Variants in BORCS5 observed in about 807,000 individuals in gnomAD.
The protein encoded by BORCS5 is BLOC-1-related complex subunit 5.
BORCS5 carries 17 observed loss-of-function variants against 22.1 expected under a neutral mutation model. That is an observed-to-expected ratio of 0.77 (90% CI 0.53 to 1.15). The LOEUF (loss-of-function observed/expected upper bound fraction) is 1.15. Ranked by LOEUF, BORCS5 falls within the 50% of genes most tolerant of loss-of-function variation. The pLI is 0.00. For synonymous variants in BORCS5, 117 were observed against 99.8 expected (o/e 1.17, Z -1.03); for missense variants, 247 against 253.2 (o/e 0.98, Z 0.17).
At chr12:12,440,666 G>A (rs1942666376) in intron 3 of BORCS5, among the ~76,000 whole-genome samples, 1 of 151,900 alleles carries the variant, frequency 6.6e-6, no homozygotes, top group Non-Finnish European at 1.5e-5. Flanking sequence ...TGCTGCAGGG[G>A]AACAGCTTGA....
intron 2 of BORCS5, among the ~76,000 whole-genome samples, chr12:12,424,432 T>G (rs1372348414): frequency 1.3e-5 from 2 of 152,194 alleles, no homozygotes; most frequent in East Asian, 3.8e-4. Flanking sequence ...TGTTTATACA[T>G]TGTTTTCTTG....
intron 3 of BORCS5, among the ~76,000 whole-genome samples, chr12:12,439,857 G>A (rs10772566): frequency 0.4 from 60,436 of 151,978 alleles, 12,835 homozygotes; most frequent in Non-Finnish European, 0.48. Flanking sequence ...AATCATATCC[G>A]TCCGTCTATG....
At chr12:12,402,784 T>C (rs191320460) in intron 2 of BORCS5, among the ~76,000 whole-genome samples, 49 of 152,354 alleles carry the variant, frequency 3.2e-4, no homozygotes, top group Admixed American at 1.3e-3. Context: ...TGAACTTTAT[T>C]TCTCTATTAG....
intron 2 of BORCS5, among the ~76,000 whole-genome samples, chr12:12,426,301 C>A (rs1390882155): frequency 1.3e-5 from 2 of 152,206 alleles, no homozygotes; most frequent in Non-Finnish European, 2.9e-5. Flanking sequence ...AACTTCTAGG[C>A]TTAAGCAGTC....
At chr12:12,367,053 A>C (rs1221403841) in intron 2 of BORCS5, among the ~76,000 whole-genome samples, 2 of 152,220 alleles carry the variant, frequency 1.3e-5, no homozygotes, top group Non-Finnish European at 2.9e-5. Context: ...CATGTGAAGT[A>C]GATTTTGATA....
chr12:12,419,265 G>C (rs1196184336), intron 2 of BORCS5, among the ~76,000 whole-genome samples: 1 of 152,112 alleles, frequency 6.6e-6, no homozygotes, highest in Non-Finnish European at 1.5e-5. Flanking sequence ...TCATTGTTCA[G>C]TTCCTACCTA....
chr12:12,360,813 C>T (rs750586251), intron 1 of BORCS5, among the ~76,000 whole-genome samples: 9 of 151,928 alleles, frequency 5.9e-5, no homozygotes, highest in Admixed American at 2.0e-4. Flanking sequence ...CTCCGCCTCT[C>T]GGGCTCAAGT....
At chr12:12,465,439 G>A in intron 3 of BORCS5, 107 bp from the exon 4 acceptor site, 1 of 968,430 alleles carries the variant, frequency 1.0e-6, no homozygotes, top group South Asian at 1.6e-5. Context: ...AAACTTGTCA[G>A]CTTCCACTGG....
At chr12:12,461,934 T>G (rs550494725) in intron 3 of BORCS5, among the ~76,000 whole-genome samples, 2 of 152,370 alleles carry the variant, frequency 1.3e-5, no homozygotes, top group East Asian at 3.9e-4. Context: ...TTAATTTTTC[T>G]TAAGTTCCTG....
rs75270531 is a variant in BORCS5, at chr12:12,431,268, G to A, written c.203-4360G>A. Among the ~76,000 whole-genome samples the A allele has an allele frequency of 7.8e-3, 1,182 of 152,290 alleles. 20 individuals are homozygous for A. The highest frequency in any genetic ancestry group is 0.027 in the African/African-American group (1,119 of 41,530). ...TACCAATTTGACAGGTGAAAAATGG[G>A]CTTGTGGTAAAGTTTCAATTTGTTT... On this transcript the variant is annotated intron_variant, in intron 2 of 3. Transcript: ENST00000314565.
chr12:12,369,508 A>G (rs1863475465), intron 2 of BORCS5, among the ~76,000 whole-genome samples: 1 of 151,924 alleles, frequency 6.6e-6, no homozygotes, highest in Non-Finnish European at 1.5e-5. Context: ...TTGCATTACA[A>G]AAATTTTTTT....
chr12:12,360,058 TTC>T (rs1863244268), intron 1 of BORCS5, among the ~76,000 whole-genome samples: 1 of 152,140 alleles, frequency 6.6e-6, no homozygotes, highest in Non-Finnish European at 1.5e-5. Flanking sequence ...AAGAAGTTCA[TTC>T]ATGTTATATA....
chr12:12,431,878 G>A (rs1942439458), intron 2 of BORCS5, among the ~76,000 whole-genome samples: 1 of 151,410 alleles, frequency 6.6e-6, no homozygotes, highest in Admixed American at 6.6e-5. Flanking sequence ...ATTTTTAGTA[G>A]AGATGGGGTT....
In BORCS5 at chr12:12,411,124, G is replaced by A. The variant is rs544553191; in HGVS notation, c.203-24504G>A. Among the ~76,000 whole-genome samples the A allele has an allele frequency of 4.6e-5, 7 of 152,234 alleles. No individual in the cohort carries two copies. In the South Asian group the frequency reaches 1.5e-3, roughly 32 times the overall value. ...GCTTATCAGCTTAAGGAGGTTTTGG[G>A]CTGAGACCATGGGGTTTTCTAGATA... On this transcript the variant is annotated intron_variant, in intron 2 of 3. Transcript: ENST00000314565.
intron 2 of BORCS5, among the ~76,000 whole-genome samples, chr12:12,397,830 CCTT>C (rs1342586852): frequency 1.3e-5 from 2 of 152,180 alleles, no homozygotes; most frequent in African/African-American, 2.4e-5. Context: ...AGGGGTCACT[CCTT>C]CTTCATCTTC....
chr12:12,439,408 G>A lies in BORCS5; in HGVS notation c.360+3623G>A, dbSNP rs145593176. Among the ~76,000 whole-genome samples the A allele has an allele frequency of 4.0e-3, 612 of 152,152 alleles. 4 individuals carry two copies. Among genetic ancestry groups the A allele is most frequent in the African/African-American group, 6.4e-3 (264 of 41,524 alleles). On this transcript the variant is annotated intron_variant, in intron 3 of 3. Transcript: ENST00000314565. ...TTTCGGAGGCCAAGGCAGGTGGATT[G>A]TTTGAGCCCAGGAGTTCAAGACCAG...
rs180873569 is a variant in BORCS5 at position 12,468,497 on chromosome 12, G to C, written c.*2721G>C. The C allele has an allele frequency of 6.6e-6, 1 of 152,294 alleles. No homozygotes were observed. Among genetic ancestry groups the C allele is most frequent in the Non-Finnish European group, 1.5e-5 (1 of 68,050 alleles). 9.4% of individuals were successfully genotyped at this position (152,294 alleles called of 1,614,324 possible). A position where few individuals can be genotyped will look rare whatever the true frequency, so the allele number is the denominator to read the frequency against. ...TTCATTTCCCTGAGCCTCAGTTTCCGCCTTCCTACAGCGTGAGCAGGTCTG... is the reference window on the plus strand; with the variant it reads ...TTCATTTCCCTGAGCCTCAGTTTCCCCCTTCCTACAGCGTGAGCAGGTCTG... On this transcript the variant is annotated 3_prime_UTR_variant, in exon 4 of 4. Transcript: ENST00000314565.
intron 2 of BORCS5, among the ~76,000 whole-genome samples, chr12:12,390,022 T>A (rs761094347): frequency 6.6e-6 from 1 of 152,154 alleles, no homozygotes; most frequent in Non-Finnish European, 1.5e-5. Flanking sequence ...TTTTCTTTGC[T>A]TTCCCACCTC....
intron 2 of BORCS5, among the ~76,000 whole-genome samples, chr12:12,412,357 A>G (rs1313040659): frequency 6.6e-6 from 1 of 151,728 alleles, no homozygotes; most frequent in Non-Finnish European, 1.5e-5. Context: ...GTTTATTCCT[A>G]AGTGTTTTAT....
Sources: gnomAD v4.1 joint callset for allele counts (sites outside exome capture counted in the v4.1 genomes callset) on GRCh38, gnomAD v4.1.1 for gene constraint, MANE v1.5 for transcripts, NCBI Gene and HGNC (gene_info 2026-07-23, HGNC 2026-07-21) for gene names.